Variants in SMARCA2 observed in about 807,000 individuals in gnomAD.
The protein encoded by SMARCA2 is SWI/SNF-related matrix-associated actin-dependent regulator of chromatin subfamily A member 2.
SMARCA2 carries 61 observed loss-of-function variants against 199.8 expected under a neutral mutation model. That is an observed-to-expected ratio of 0.31 (90% confidence interval 0.25 to 0.38). The LOEUF (loss-of-function observed/expected upper bound fraction) is 0.38, where lower values mean the gene tolerates loss of function less well. Ranked by LOEUF, SMARCA2 falls within the 10% of genes least tolerant of loss-of-function variation. The pLI is 1.00. For synonymous variants in SMARCA2, 935 were observed against 732.0 expected (o/e 1.28, Z -4.48); for missense variants, 1,344 against 2,012.2 (o/e 0.67, Z 6.35).
intron 27 of SMARCA2, among the ~76,000 whole-genome samples, chr9:2,135,270 G>C (rs1287545620): frequency 6.6e-6 from 1 of 152,178 alleles, no homozygotes. Flanking sequence ...TTCAAGTCCA[G>C]CCCTCAATGG....
At chr9:2,071,391 A>G (rs1586672866) in intron 10 of SMARCA2, among the ~76,000 whole-genome samples, 1 of 152,238 alleles carries the variant, frequency 6.6e-6, no homozygotes, top group South Asian at 2.1e-4. Flanking sequence ...GTTACTGGTT[A>G]AGAATACTAT....
At position 2,083,341 on chromosome 9, in the gene SMARCA2, C is replaced by A; in HGVS notation, c.2349-6C>A. On this transcript the variant is annotated splice_polypyrimidine_tract_variant and splice_region_variant and intron_variant, in intron 15 of 33. Coordinates refer to ENST00000349721, the MANE Select transcript of SMARCA2 (RefSeq NM_003070.5). ...TTTTCTGTTGTTTTTTTTTTTTGTT[C>A]CATAGGACTCTATCTAACTGGACAT... 4.8e-6 allele frequency: 7 copies of A among 1,448,106 alleles called. No individual in the cohort carries two copies. The highest frequency in any genetic ancestry group is 1.4e-5 in the South Asian group (1 of 71,728). 89.7% of individuals were successfully genotyped at this position (1,448,106 alleles called of 1,614,324 possible). A position where few individuals can be genotyped will look rare whatever the true frequency, so the allele number is the denominator to read the frequency against.
At chr9:2,032,868 G>T in intron 2 of SMARCA2, 84 bp from the exon 3 acceptor site, 1 of 1,301,348 alleles carries the variant, frequency 7.7e-7, no homozygotes. Context: ...CACTTTTAAA[G>T]AACTTAGGAA....
intron 32 of SMARCA2, among the ~76,000 whole-genome samples, chr9:2,189,801 A>C (rs939574643): frequency 1.3e-5 from 2 of 152,178 alleles, no homozygotes; most frequent in Admixed American, 6.5e-5. Context: ...ACTTGAGTTC[A>C]TAACAGCACA....
chr9:2,150,251 A>G (rs773478664), intron 27 of SMARCA2, among the ~76,000 whole-genome samples: 21 of 151,530 alleles, frequency 1.4e-4, no homozygotes, highest in Non-Finnish European at 2.1e-4. Flanking sequence ...CCTATATTCA[A>G]CTTCTACTGC....
intron 27 of SMARCA2, among the ~76,000 whole-genome samples, chr9:2,133,865 G>A (rs562988218): frequency 1.9e-4 from 29 of 152,178 alleles, no homozygotes; most frequent in African/African-American, 6.7e-4. Context: ...TTAGGATAGT[G>A]ATTAAGAGTA....
intron 27 of SMARCA2, among the ~76,000 whole-genome samples, chr9:2,133,335 C>T (rs1824045770): frequency 6.6e-6 from 1 of 152,122 alleles, no homozygotes; most frequent in Admixed American, 6.5e-5. Flanking sequence ...GAGACAGGGT[C>T]TCACTCTGTC....
intron 1 of SMARCA2, among the ~76,000 whole-genome samples, chr9:2,023,134 A>G (rs1416960814): frequency 6.6e-6 from 1 of 152,174 alleles, no homozygotes; most frequent in Non-Finnish European, 1.5e-5. Flanking sequence ...CATGGTATCT[A>G]TAAGGGTGGT....
intron 27 of SMARCA2, chr9:2,160,511 G>T (rs1825611014): frequency 3.1e-6 from 2 of 643,578 alleles, no homozygotes; most frequent in Non-Finnish European, 5.7e-6. Context: ...AGGAAGCGTT[G>T]TACATAAGTG....
At chr9:2,109,082 T>G (rs1822877529) in intron 23 of SMARCA2, among the ~76,000 whole-genome samples, 2 of 152,340 alleles carry the variant, frequency 1.3e-5, no homozygotes, top group South Asian at 4.1e-4. Flanking sequence ...TCCCCATGTT[T>G]GAGAACTTGG....
chr9:2,091,769 T>A (rs575371816), intron 19 of SMARCA2, among the ~76,000 whole-genome samples: 1 of 152,310 alleles, frequency 6.6e-6, no homozygotes, highest in South Asian at 2.1e-4. Flanking sequence ...TGCTTGCTAT[T>A]GTCAGTTTTT....
chr9:2,068,313 T>C (rs1820932968), intron 9 of SMARCA2, among the ~76,000 whole-genome samples: 1 of 152,224 alleles, frequency 6.6e-6, no homozygotes, highest in Admixed American at 6.5e-5. Context: ...AATAGAAATT[T>C]AATTACTTGG....
rs1404859527 is a variant in SMARCA2 at position 2,016,873 on chromosome 9, C to G, written c.-37+1469C>G. Among the ~76,000 whole-genome samples, 1 of 152,238 alleles carries G rather than the reference C, an allele frequency of 6.6e-6. No individual in the cohort carries two copies. The highest frequency in any genetic ancestry group is 1.5e-5 in the Non-Finnish European group (1 of 68,032). On this transcript the variant is annotated intron_variant, in intron 1 of 33. Transcript: ENST00000349721. This position sits in a 1 kb window ranked among gnomAD's most constrained non-coding sequence, Gnocchi z 5.6. ...TTTGCGTTGCAAAACACGGCCATGCCATCTGCAAAGGTGTCGCGATGCACT... is the reference window on the plus strand; with the variant it reads ...TTTGCGTTGCAAAACACGGCCATGCGATCTGCAAAGGTGTCGCGATGCACT...
chr9:2,027,428 A>C (rs1372099047), intron 1 of SMARCA2, among the ~76,000 whole-genome samples: 3 of 152,182 alleles, frequency 2.0e-5, no homozygotes, highest in Non-Finnish European at 4.4e-5. Context: ...CAATAGAGAG[A>C]GGCCCTGTCT....
intron 21 of SMARCA2, among the ~76,000 whole-genome samples, chr9:2,100,342 A>T (rs1461587040): frequency 2.6e-5 from 4 of 152,198 alleles, no homozygotes; most frequent in African/African-American, 9.7e-5. Context: ...TGGACACTTG[A>T]GGGGTGCTGT....
At chr9:2,160,007 T>C in intron 27 of SMARCA2, 2 of 1,509,104 alleles carry the variant, frequency 1.3e-6, no homozygotes, top group South Asian at 2.4e-5. Flanking sequence ...GTTCTCCGTA[T>C]TTCTGTGTGC....
intron 4 of SMARCA2, chr9:2,044,719 GAA>G (rs1392306866): frequency 6.6e-6 from 1 of 152,024 alleles, no homozygotes; most frequent in African/African-American, 2.4e-5. Context: ...TGAGGTGAAA[GAA>G]CATTTTTTCT....
intron 23 of SMARCA2, among the ~76,000 whole-genome samples, chr9:2,107,139 A>G (rs944609602): frequency 7.0e-6 from 1 of 143,738 alleles, no homozygotes. Context: ...TTAAAAAAAT[A>G]TTTGTTAAAA....
At chr9:2,139,229 G>C (rs540849133) in intron 27 of SMARCA2, among the ~76,000 whole-genome samples, 1 of 152,182 alleles carries the variant, frequency 6.6e-6, no homozygotes. Context: ...TTTAATTGAC[G>C]TGAGGCCAGC....
Sources: allele counts gnomAD v4.1 joint callset (sites outside exome capture counted in the v4.1 genomes callset), GRCh38; gene constraint gnomAD v4.1.1; non-coding constraint Gnocchi (gnomAD v3.1); transcripts MANE v1.5; gene names NCBI Gene and HGNC (gene_info 2026-07-23, HGNC 2026-07-21).